Variants in NRF1 observed in about 807,000 individuals in gnomAD.
The protein encoded by NRF1 is alpha palindromic-binding protein.
A neutral mutation model predicts 58.5 loss-of-function variants in NRF1; 5 were observed. The ratio of observed to expected loss-of-function variants is 0.09; its 90% CI spans 0.04 to 0.18. The LOEUF (loss-of-function observed/expected upper bound fraction) is 0.18. NRF1 is among the 10% of genes least tolerant of loss of function. NRF1 has a pLI of 1.00. For missense variants in NRF1, 288 were observed against 657.7 expected, an observed-to-expected ratio of 0.44 and a Z score of 6.15; for synonymous variants, 224 against 246.7, an observed-to-expected ratio of 0.91 and a Z score of 0.86.
intron 1 of NRF1, chr7:129,633,852 CTA>C (rs1317365987): frequency 1.3e-5 from 2 of 150,718 alleles, no homozygotes; most frequent in South Asian, 2.1e-4. Context: ...TATATATAAA[CTA>C]TATGTGTAAC....
intron 10 of NRF1, among the ~76,000 whole-genome samples, chr7:129,744,947 T>C (rs1803938226): frequency 6.6e-6 from 1 of 152,102 alleles, no homozygotes; most frequent in Non-Finnish European, 1.5e-5. Context: ...GGGGGTTCAT[T>C]GTACTCCTCC....
intron 5 of NRF1, among the ~76,000 whole-genome samples, chr7:129,696,060 TAAAAAAAAAAAAA>T (rs11434445): frequency 3.7e-5 from 2 of 53,388 alleles, no homozygotes; most frequent in Admixed American, 2.5e-4. Context: ...CCGTCTCTAC[TAAAAAAAAAAAAA>T]AAAAAAAAAA....
intron 10 of NRF1, among the ~76,000 whole-genome samples, chr7:129,753,568 G>A (rs1188448710): frequency 3.9e-5 from 6 of 152,124 alleles, no homozygotes; most frequent in African/African-American, 1.4e-4. Context: ...AGAGATTGAT[G>A]TATATGTTAG....
rs1451667251 is a variant in NRF1 at position 129,619,484 on chromosome 7, G to A, written c.-7+7660G>A. On this transcript the variant is annotated intron_variant, in intron 1 of 10. Coordinates refer to ENST00000393232, the MANE Select transcript of NRF1 (RefSeq NM_005011.5). ...CGTGTGTGTGTGTGTGTGTGTGTGT[G>A]TGTGTGTATATATATATATATATAT... Among the ~76,000 whole-genome samples the A allele has an allele frequency of 4.3e-3, 292 of 68,418 alleles. 2 individuals carry two copies. The highest frequency in any genetic ancestry group is 0.015 in the African/African-American group (231 of 15,516). 44.9% of individuals were successfully genotyped at this position (68,418 alleles called of 152,430 possible). A position where few individuals can be genotyped will look rare whatever the true frequency, so the allele number is the denominator to read the frequency against.
intron 5 of NRF1, among the ~76,000 whole-genome samples, chr7:129,704,539 T>C (rs1337915476): frequency 6.6e-6 from 1 of 152,204 alleles, no homozygotes; most frequent in Non-Finnish European, 1.5e-5. Context: ...TTAATATAGA[T>C]TGAGTACCCC....
chr7:129,624,777 G>C (rs546041141), intron 1 of NRF1, among the ~76,000 whole-genome samples: 1 of 152,230 alleles, frequency 6.6e-6, no homozygotes, highest in African/African-American at 2.4e-5. Flanking sequence ...AGTCTCCCAA[G>C]TGGTATCCCT....
chr7:129,649,164 C>T (rs1377543260), intron 1 of NRF1, among the ~76,000 whole-genome samples: 1 of 152,154 alleles, frequency 6.6e-6, no homozygotes, highest in Non-Finnish European at 1.5e-5. Flanking sequence ...CCATCCATTA[C>T]CCTAGTGTCC....
intron 2 of NRF1, among the ~76,000 whole-genome samples, chr7:129,669,539 A>T (rs979956108): frequency 1.3e-5 from 2 of 152,222 alleles, no homozygotes; most frequent in East Asian, 1.9e-4. Context: ...TTAAGTTTTC[A>T]TAATAAAATA....
chr7:129,746,662 A>G (rs1803983643), intron 10 of NRF1, among the ~76,000 whole-genome samples: 1 of 152,206 alleles, frequency 6.6e-6, no homozygotes, highest in Non-Finnish European at 1.5e-5. Context: ...TTAATTTCTT[A>G]CTCACGTATT....
chr7:129,624,611 C>A (rs1367366036), intron 1 of NRF1, among the ~76,000 whole-genome samples: 1 of 152,128 alleles, frequency 6.6e-6, no homozygotes, highest in Admixed American at 6.6e-5. Flanking sequence ...TACCAAAAGT[C>A]TGGTTGGTCT....
intron 1 of NRF1, among the ~76,000 whole-genome samples, chr7:129,628,968 T>A (rs535972114): frequency 6.6e-6 from 1 of 152,344 alleles, no homozygotes; most frequent in South Asian, 2.1e-4. Flanking sequence ...TTCTTTAACA[T>A]CACCACCAGT....
rs1238199755 is a variant in NRF1, at chr7:129,642,775, T to TTTTTTTTTTGAGACGGAGTCTCGCTCTG, written c.-6-14570_-6-14569insTTTTTTTTGAGACGGAGTCTCGCTCTGT. ...TTAAAAAATTTTTTTTTTTTTTTTT[T>TTTTTTTTTTGAGACGGAGTCTCGCTCTG]TAAATGAGATAGGGTCCCATTGTTT... On this transcript the variant is annotated intron_variant, in intron 1 of 10. Coordinates refer to ENST00000393232, the MANE Select transcript of NRF1 (RefSeq NM_005011.5). Among the ~76,000 whole-genome samples, 4 of 148,920 alleles carry TTTTTTTTTTGAGACGGAGTCTCGCTCTG rather than the reference T, an allele frequency of 2.7e-5. No individual in the cohort carries two copies. The East Asian group carries it at 6.7e-4, about 25-fold the overall frequency.
At chr7:129,685,872 G>A (rs1416096887) in intron 4 of NRF1, among the ~76,000 whole-genome samples, 1 of 151,978 alleles carries the variant, frequency 6.6e-6, no homozygotes, top group Non-Finnish European at 1.5e-5. Context: ...ACTTTGGGAG[G>A]TCTAGGTGGG....
chr7:129,678,483 T>C (rs1022057297), intron 4 of NRF1, among the ~76,000 whole-genome samples: 2 of 152,226 alleles, frequency 1.3e-5, no homozygotes, highest in East Asian at 3.8e-4. Context: ...TAGTAATCAA[T>C]TGATCGAAAT....
At chr7:129,666,753 A>T (rs1485551110) in intron 2 of NRF1, among the ~76,000 whole-genome samples, 1 of 151,862 alleles carries the variant, frequency 6.6e-6, no homozygotes, top group East Asian at 1.9e-4. Flanking sequence ...CTGGTCTCGA[A>T]CTCCTGACCT....
intron 10 of NRF1, among the ~76,000 whole-genome samples, chr7:129,743,480 TCTTG>T (rs1803897504): frequency 6.6e-6 from 1 of 152,248 alleles, no homozygotes; most frequent in African/African-American, 2.4e-5. Context: ...GGGCCTTTAA[TCTTG>T]CTTCTTCCAT....
intron 10 of NRF1, among the ~76,000 whole-genome samples, chr7:129,736,321 G>C (rs1389059139): frequency 8.6e-6 from 1 of 116,534 alleles, no homozygotes; most frequent in Non-Finnish European, 1.7e-5. Flanking sequence ...ACTCTGTCTT[G>C]CCCAGGCTGG....
chr7:129,658,724 T>G (rs1425081163), intron 2 of NRF1, among the ~76,000 whole-genome samples: 2 of 152,246 alleles, frequency 1.3e-5, no homozygotes, highest in East Asian at 3.8e-4. Context: ...TTGTTGTCCT[T>G]TGTATTCATT....
chr7:129,683,690 A>G (rs974501591), intron 4 of NRF1, among the ~76,000 whole-genome samples: 3 of 139,324 alleles, frequency 2.2e-5, no homozygotes, highest in Non-Finnish European at 4.5e-5. Context: ...GCTAGAGTGC[A>G]GTGGTGCGAT....
Sources: allele counts gnomAD v4.1 joint callset (sites outside exome capture counted in the v4.1 genomes callset), GRCh38; gene constraint gnomAD v4.1.1; transcripts MANE v1.5; gene names NCBI Gene and HGNC (gene_info 2026-07-23, HGNC 2026-07-21).